Variants in IGF1R observed in about 807,000 individuals in gnomAD.
The protein encoded by IGF1R is insulin-like growth factor 1 receptor.
A neutral mutation model predicts 144.6 loss-of-function variants in IGF1R; 44 were observed. That is an observed-to-expected ratio of 0.30 (90% CI 0.24 to 0.39). The LOEUF (loss-of-function observed/expected upper bound fraction) is 0.39, where lower values mean the gene tolerates loss of function less well. IGF1R is among the 10% of genes least tolerant of loss of function. The pLI is 1.00. For synonymous variants in IGF1R, 795 were observed against 722.8 expected (o/e 1.10, Z -1.60); for missense variants, 1,355 against 1,833.7 (o/e 0.74, Z 4.77).
intron 2 of IGF1R, among the ~76,000 whole-genome samples, chr15:98,762,998 G>A (rs990129623): frequency 6.7e-6 from 1 of 149,258 alleles, no homozygotes; most frequent in African/African-American, 2.5e-5. Context: ...GTGAGCTGAG[G>A]TCGCACCACT....
At chr15:98,743,014 G>A (rs990358256) in intron 2 of IGF1R, among the ~76,000 whole-genome samples, 4 of 152,196 alleles carry the variant, frequency 2.6e-5, no homozygotes, top group South Asian at 4.1e-4. Context: ...TCCAGCGAGT[G>A]CAGTGTAAAT....
At chr15:98,746,018 C>A (rs1381023800) in intron 2 of IGF1R, among the ~76,000 whole-genome samples, 1 of 152,198 alleles carries the variant, frequency 6.6e-6, no homozygotes, top group East Asian at 1.9e-4. Context: ...GATATATGCA[C>A]AAAATGGAAT....
intron 2 of IGF1R, among the ~76,000 whole-genome samples, chr15:98,710,311 C>T (rs1046825931): frequency 2.6e-5 from 4 of 152,182 alleles, no homozygotes; most frequent in Non-Finnish European, 5.9e-5. Flanking sequence ...AAATTGACTT[C>T]CCTTCCCCTT....
At chr15:98,652,551 A>G (rs2052394576) in intron 1 of IGF1R, among the ~76,000 whole-genome samples, 1 of 152,216 alleles carries the variant, frequency 6.6e-6, no homozygotes, top group Non-Finnish European at 1.5e-5. Context: ...AAAAGGTCAT[A>G]ATGTTTGATT....
At chr15:98,939,113 A>T in intron 17 of IGF1R, 88 bp from the exon 18 acceptor site, 1 of 1,126,110 alleles carries the variant, frequency 8.9e-7, no homozygotes. Flanking sequence ...CCCAGATTGA[A>T]CAAAGATGAT....
intron 1 of IGF1R, 132 bp downstream of exon 1, chr15:98,649,807 G>T (rs2052304890): frequency 3.0e-6 from 2 of 663,164 alleles, no homozygotes; most frequent in Non-Finnish European, 5.2e-6. Flanking sequence ...GGGGTGGGGC[G>T]CAGGGCGGCT....
chr15:98,695,616 G>A (rs1180081679), intron 1 of IGF1R, among the ~76,000 whole-genome samples: 2 of 152,156 alleles, frequency 1.3e-5, no homozygotes, highest in African/African-American at 4.8e-5. Context: ...CCCCAAAAGA[G>A]TTCTCATAGT....
chr15:98,773,000 T>C (rs2055626439), intron 2 of IGF1R, among the ~76,000 whole-genome samples: 1 of 152,208 alleles, frequency 6.6e-6, no homozygotes, highest in Admixed American at 6.5e-5. Flanking sequence ...CTCAAAATTA[T>C]AGCATCTTAC....
chr15:98,793,069 C>A (rs767910285), intron 2 of IGF1R, among the ~76,000 whole-genome samples: 4 of 152,186 alleles, frequency 2.6e-5, no homozygotes, highest in African/African-American at 4.8e-5. Context: ...GCAAGAGAAC[C>A]TCCAGGGCCT....
At chr15:98,657,954 T>C (rs1181323717) in intron 1 of IGF1R, among the ~76,000 whole-genome samples, 1 of 152,212 alleles carries the variant, frequency 6.6e-6, no homozygotes, top group Non-Finnish European at 1.5e-5. Context: ...TCTGACTACA[T>C]GCTGAGTTGG....
intron 1 of IGF1R, among the ~76,000 whole-genome samples, chr15:98,659,010 C>CTGG (rs2052543957): frequency 6.6e-6 from 1 of 152,164 alleles, no homozygotes. Flanking sequence ...AACCTGGCAC[C>CTGG]TGGTATTAAG....
chr15:98,715,901 T>A (rs1275145553), intron 2 of IGF1R, among the ~76,000 whole-genome samples: 1 of 152,180 alleles, frequency 6.6e-6, no homozygotes, highest in Non-Finnish European at 1.5e-5. Flanking sequence ...CAGTATTAAG[T>A]AGAGCAGGCT....
At chr15:98,930,175 G>A (rs1182781607) in intron 14 of IGF1R, 60 bp from the exon 15 acceptor site, 9 of 1,117,742 alleles carry the variant, frequency 8.1e-6, no homozygotes, top group Non-Finnish European at 1.1e-5. Context: ...GAAGATGAAA[G>A]TATATACAGG....
chr15:98,951,831 G>A (rs2016786823), intron 20 of IGF1R, among the ~76,000 whole-genome samples: 1 of 152,210 alleles, frequency 6.6e-6, no homozygotes, highest in African/African-American at 2.4e-5. Context: ...TTGGCTCTGT[G>A]GGCCCATACG....
intron 2 of IGF1R, among the ~76,000 whole-genome samples, chr15:98,731,375 T>C (rs1007653767): frequency 5.9e-5 from 9 of 152,240 alleles, no homozygotes; most frequent in African/African-American, 2.2e-4. Flanking sequence ...CATGTAATTA[T>C]TAACCCCTAA....
intron 2 of IGF1R, chr15:98,873,835 A>T (rs2012913709): frequency 6.6e-6 from 1 of 152,258 alleles, no homozygotes; most frequent in African/African-American, 2.4e-5. Flanking sequence ...TTCAACCCTC[A>T]AAATTGTTGC....
chr15:98,925,986 A>G (rs1045245617), intron 13 of IGF1R, among the ~76,000 whole-genome samples: 11 of 151,976 alleles, frequency 7.2e-5, no homozygotes, highest in African/African-American at 2.7e-4. Flanking sequence ...AGGCAATGAA[A>G]TAGGTATGTC....
chr15:98,719,864 G>A (rs191727954), intron 2 of IGF1R, among the ~76,000 whole-genome samples: 1 of 152,350 alleles, frequency 6.6e-6, no homozygotes, highest in Admixed American at 6.5e-5. Flanking sequence ...TTATTGGGCG[G>A]TAGTGTTATC....
intron 2 of IGF1R, among the ~76,000 whole-genome samples, chr15:98,863,281 T>C (rs2141588120): frequency 6.6e-6 from 1 of 152,284 alleles, no homozygotes; most frequent in East Asian, 1.9e-4. Flanking sequence ...TGCGTGATGT[T>C]TCCTTTCCTG....
Sources: gnomAD v4.1 joint callset for allele counts (sites outside exome capture counted in the v4.1 genomes callset) on GRCh38, gnomAD v4.1.1 for gene constraint, MANE v1.5 for transcripts, NCBI Gene and HGNC (gene_info 2026-07-23, HGNC 2026-07-21) for gene names.